The following A3GALT2 variants were observed in gnomAD, a reference collection of about 807,000 sequenced individuals.
The protein encoded by A3GALT2 is alpha-1,3-galactosyltransferase 2.
In A3GALT2, 14 loss-of-function variants were observed where a neutral mutation model predicts 16.6. That is an observed-to-expected ratio of 0.84 (90% CI 0.56 to 1.32). A3GALT2 has a LOEUF of 1.32. Among genes scored for constraint, A3GALT2 ranks in the 40% most tolerant of loss-of-function variants. The pLI is 0.00. For missense variants in A3GALT2, 600 were observed against 490.9 expected, an observed-to-expected ratio of 1.22 and a Z score of -2.10; for synonymous variants, 253 against 218.0, an observed-to-expected ratio of 1.16 and a Z score of -1.42.
Position 33,321,068 on chromosome 1 carries a change from C to A in A3GALT2, c.23+8G>T. On this transcript the variant is annotated splice_region_variant and intron_variant, in intron 1 of 4. Coordinates refer to ENST00000442999, the MANE Select transcript of A3GALT2 (RefSeq NM_001080438.1). ...TTTCTTCCTCTCCATACCATTGTCC[C>A]CCCTCACCTGAGTCCCTCCTTGAGA... 6.2e-7 allele frequency: 1 copy of A among 1,613,164 alleles called. No homozygotes were observed. The highest frequency in any genetic ancestry group is 8.5e-7 in the Non-Finnish European group (1 of 1,179,864).
chr1:33,318,145 G>T (rs754257489), intron 1 of A3GALT2, among the ~76,000 whole-genome samples: 4 of 152,142 alleles, frequency 2.6e-5, no homozygotes, highest in Non-Finnish European at 5.9e-5. Context: ...ACGTATAGCC[G>T]CGTTCTTTCA....
chr1:33,309,826 G>A (rs1402655981), intron 4 of A3GALT2, among the ~76,000 whole-genome samples: 1 of 151,226 alleles, frequency 6.6e-6, no homozygotes, highest in Non-Finnish European at 1.5e-5. Context: ...CAGACTGGGC[G>A]GCCGGGCAGA....
At chr1:33,312,656 T>C (rs1646240442) in intron 2 of A3GALT2, 66 bp from the exon 3 acceptor site, 3 of 1,482,228 alleles carry the variant, frequency 2.0e-6, no homozygotes, top group Non-Finnish European at 2.8e-6. Flanking sequence ...CCAGGAGCCC[T>C]CTGGCTTTGC....
intron 1 of A3GALT2, among the ~76,000 whole-genome samples, chr1:33,315,721 C>G (rs572941328): frequency 2.0e-5 from 3 of 152,206 alleles, no homozygotes; most frequent in Non-Finnish European, 4.4e-5. Flanking sequence ...TTCCAAGCTT[C>G]TGGGAATCTG....
intron 1 of A3GALT2, among the ~76,000 whole-genome samples, chr1:33,318,236 G>C (rs938061448): frequency 6.6e-6 from 1 of 152,164 alleles, no homozygotes; most frequent in Non-Finnish European, 1.5e-5. Context: ...ATGTCTAGTA[G>C]CCACATTAAA....
At position 33,313,182 on chromosome 1, in the gene A3GALT2, T is replaced by TG. The variant is rs1303059520; in HGVS notation, c.24-293_24-292insC. The TG allele has an allele frequency of 6.6e-5, 16 of 242,568 alleles. 1 individual carries two copies. The highest frequency in any genetic ancestry group is 1.1e-4 in the Admixed American group (2 of 18,044). 15.0% of individuals were successfully genotyped at this position (242,568 alleles called of 1,614,324 possible). A position where few individuals can be genotyped will look rare whatever the true frequency, so the allele number is the denominator to read the frequency against. On this transcript the variant is annotated intron_variant, in intron 1 of 4. Coordinates refer to ENST00000442999, the MANE Select transcript of A3GALT2 (RefSeq NM_001080438.1). ...TTGTGGCTCAGTGACGGAGTTTTTTTTTTTTTTTTTTTTTTTTTTGAGACA... is the reference window on the plus strand; with the variant it reads ...TTGTGGCTCAGTGACGGAGTTTTTTTGTTTTTTTTTTTTTTTTTTTGAGACA...
Position 33,321,088 on chromosome 1 carries a change from T to G in A3GALT2, c.11A>C (p.Lys4Thr). 1.2e-6 allele frequency: 2 copies of G among 1,613,006 alleles called. No individual in the cohort carries two copies. The highest frequency in any genetic ancestry group is 1.7e-6 in the Non-Finnish European group (2 of 1,179,810). MAL[K>T]EGLRAWKRIF... ...TGTCCCCCCTCACCTGAGTCCCTCC[T>G]TGAGAGCCATATGGGGAAGCAGGTA... Residue 4 changes from lysine (K) to threonine (T), a missense_variant, in exon 1 of 5, where the codon AAG becomes ACG. Physicochemically the swap from Lys to Thr is moderately conservative, Grantham distance 78 (BLOSUM62 -1). Coordinates refer to ENST00000442999, the MANE Select transcript of A3GALT2 (RefSeq NM_001080438.1).
At chr1:33,318,334 C>G (rs1325042273) in intron 1 of A3GALT2, among the ~76,000 whole-genome samples, 2 of 152,162 alleles carry the variant, frequency 1.3e-5, no homozygotes, top group Non-Finnish European at 2.9e-5. Context: ...AGCCCATCAG[C>G]AAACCCTGGG....
intron 1 of A3GALT2, among the ~76,000 whole-genome samples, chr1:33,315,801 G>A (rs921796870): frequency 2.0e-5 from 3 of 152,192 alleles, no homozygotes; most frequent in Non-Finnish European, 4.4e-5. Context: ...CTGTTAAGTC[G>A]TGCATTCAAC....
At chr1:33,311,404 A>T (rs1646231917) in intron 4 of A3GALT2, among the ~76,000 whole-genome samples, 1 of 151,924 alleles carries the variant, frequency 6.6e-6, no homozygotes, top group Admixed American at 6.6e-5. Flanking sequence ...CTCTGTAAGG[A>T]CCTCGTTCTT....
At chr1:33,319,937 C>G (rs1646277768) in intron 1 of A3GALT2, among the ~76,000 whole-genome samples, 1 of 151,970 alleles carries the variant, frequency 6.6e-6, no homozygotes, top group Non-Finnish European at 1.5e-5. Context: ...CACTTTACAC[C>G]AAGGCATTTG....
chr1:33,306,809 C>T lies in A3GALT2; in HGVS notation c.980G>A (p.Arg327Gln), dbSNP rs1048664670. ...IGPRAEIRRP[R>Q]LLWAPKGYRL... is the part of the protein sequence containing the mutation. ...GTACCCCTTGGGCGCCCACAGCAGT[C>T]GCGGGCGGCGGATCTCGGCCCGCGG... Residue 327 changes from arginine (R) to glutamine (Q), a missense_variant, in exon 5 of 5, where the codon CGA becomes CAA. Transcript: ENST00000442999. 10 of 1,468,238 alleles carry T rather than the reference C, an allele frequency of 6.8e-6. No homozygotes were observed. The highest frequency in any genetic ancestry group is 8.1e-6 in the Non-Finnish European group (9 of 1,116,932). The allele number at this position is 1,468,238 out of a possible 1,614,324, so 91.0% of individuals were successfully genotyped here.
chr1:33,320,791 G>A lies in A3GALT2; in HGVS notation c.23+285C>T, dbSNP rs983150355. On this transcript the variant is annotated intron_variant, in intron 1 of 4. Transcript: ENST00000442999. This position sits in a 1 kb window ranked among gnomAD's most constrained non-coding sequence, Gnocchi z 4.3. ...TCTCTGCTTTCCGGCTCGCCAAGGG[G>A]GTTTAGAGTTAAGGGAAGCAAGGGG... 2.6e-5 allele frequency among the ~76,000 whole-genome samples: 4 copies of A among 151,942 alleles called. No homozygotes were observed. In the Admixed American group the frequency reaches 2.7e-4, roughly 10 times the overall value.
At position 33,312,535 on chromosome 1, in the gene A3GALT2, G is replaced by T. The variant is rs1646239121; in HGVS notation, c.163C>A (p.Leu55Met). 3.1e-6 allele frequency: 5 copies of T among 1,604,452 alleles called. No homozygotes were observed. The highest frequency in any genetic ancestry group is 4.3e-6 in the Non-Finnish European group (5 of 1,174,878). The change falls in exon 3 of 5, where the codon CTG (leucine) becomes ATG (methionine). Residue 55 changes from leucine to methionine, a missense_variant. Coordinates refer to ENST00000442999, the MANE Select transcript of A3GALT2 (RefSeq NM_001080438.1). ...AGGGCACCTGTGAAGTTGTCTCTCAGCTGGGACATTGTGGCCGAAGGGCAG... is the reference window on the plus strand; with the variant it reads ...AGGGCACCTGTGAAGTTGTCTCTCATCTGGGACATTGTGGCCGAAGGGCAG... ...GVCPSATMSQ[L>M]RDNFTGALRP...
rs1262842648 is a variant in A3GALT2 at position 33,315,179 on chromosome 1, C to T, written c.24-2289G>A. 2.6e-5 allele frequency among the ~76,000 whole-genome samples: 4 copies of T among 152,126 alleles called. No homozygotes were observed. In the South Asian group the frequency reaches 8.3e-4, roughly 32 times the overall value. ...CGGGTGGATCACAAGGTCAAGAGAT[C>T]GAGCCCATCCTGGCCAACACGGTGA... On this transcript the variant is annotated intron_variant, in intron 1 of 4. Transcript: ENST00000442999.
At position 33,307,409 on chromosome 1, in the gene A3GALT2, T is replaced by A. The variant is rs748647608; in HGVS notation, c.380A>T (p.Gln127Leu). The A allele has an allele frequency of 6.4e-7, 1 of 1,555,274 alleles. No individual in the cohort carries two copies. Among genetic ancestry groups the A allele is most frequent in the South Asian group, 1.1e-5 (1 of 87,754 alleles). ...CACGCTCTGGCCCGCCATGAAGTGC[T>A]GCTCCGCCGTCTCCAGGAAGCGCTC... ...YLERFLETAE[Q>L]HFMAGQSVMY... The change falls in exon 5 of 5, where the codon CAG (glutamine) becomes CTG (leucine). Residue 127 changes from glutamine to leucine, a missense_variant. By Grantham distance (113) the Gln-to-Leu change is moderately radical (BLOSUM62 -2). Coordinates refer to ENST00000442999, the MANE Select transcript of A3GALT2 (RefSeq NM_001080438.1).
rs1165941892 is a variant in A3GALT2, at chr1:33,313,177, T to TG, written c.24-288_24-287insC. ...AGTGTTTGTGGCTCAGTGACGGAGT[T>TG]TTTTTTTTTTTTTTTTTTTTTTTTG... On this transcript the variant is annotated intron_variant, in intron 1 of 4. Coordinates refer to ENST00000442999, the MANE Select transcript of A3GALT2 (RefSeq NM_001080438.1). 6.3e-5 allele frequency: 11 copies of TG among 173,736 alleles called. 1 individual carries two copies. Among genetic ancestry groups the TG allele is most frequent in the African/African-American group, 3.2e-4 (10 of 31,446 alleles). 10.8% of individuals were successfully genotyped at this position (173,736 alleles called of 1,614,324 possible).
Position 33,307,391 on chromosome 1 carries a change from T to A in A3GALT2, c.398A>T (p.Gln133Leu), listed in dbSNP as rs1167639293. ...GGTGAACACGTAGTACATCACGCTC[T>A]GGCCCGCCATGAAGTGCTGCTCCGC... Reference protein sequence around the residue: ...ETAEQHFMAGQSVMYYVFTEL... With the variant: ...ETAEQHFMAGLSVMYYVFTEL... Residue 133 changes from glutamine to leucine, a missense_variant, in exon 5 of 5, where the codon CAG becomes CTG. Transcript: ENST00000442999. 6.4e-7 allele frequency: 1 copy of A among 1,564,670 alleles called. No individual in the cohort carries two copies. Among genetic ancestry groups the A allele is most frequent in the Admixed American group, 1.8e-5 (1 of 54,908 alleles).
chr1:33,310,563 C>T (rs555826879), intron 4 of A3GALT2, among the ~76,000 whole-genome samples: 41 of 152,298 alleles, frequency 2.7e-4, no homozygotes, highest in South Asian at 2.1e-4. Flanking sequence ...CTTTCTATGT[C>T]AATGTGCATT....
Sources: gnomAD v4.1 joint callset for allele counts (sites outside exome capture counted in the v4.1 genomes callset) on GRCh38, gnomAD v4.1.1 for gene constraint, Gnocchi (gnomAD v3.1) non-coding constraint, MANE v1.5 for transcripts, NCBI Gene and HGNC (gene_info 2026-07-23, HGNC 2026-07-21) for gene names.